EHBP1: variants seen among roughly 807,000 people sequenced by gnomAD.
The protein encoded by EHBP1 is EH domain binding protein 1.
In EHBP1, 55 loss-of-function variants were observed where a neutral mutation model predicts 144.0. The ratio of observed to expected loss-of-function variants is 0.38; its 90% confidence interval spans 0.31 to 0.48. The LOEUF (loss-of-function observed/expected upper bound fraction) is 0.48. Ranked by LOEUF, EHBP1 falls within the 20% of genes least tolerant of loss-of-function variation. The probability of loss-of-function intolerance (pLI) is 0.98; values close to 1 mark genes in which losing one functional copy is unlikely to be tolerated. For synonymous variants in EHBP1, 469 were observed against 472.7 expected (o/e 0.99, Z 0.10); for missense variants, 1,200 against 1,364.2 (o/e 0.88, Z 1.90).
intron 5 of EHBP1, among the ~76,000 whole-genome samples, chr2:62,793,572 G>T (rs898966439): frequency 2.6e-5 from 4 of 152,088 alleles, no homozygotes; most frequent in African/African-American, 9.7e-5. Flanking sequence ...ATGACTAGGG[G>T]TGTGTGTGGT....
chr2:62,945,005 C>T, intron 12 of EHBP1, among the ~76,000 whole-genome samples: 1 of 152,172 alleles, frequency 6.6e-6, no homozygotes, highest in Non-Finnish European at 1.5e-5. Flanking sequence ...TTTCATAATT[C>T]CTCATCTGAA....
At chr2:62,839,170 T>C (rs968932327) in intron 7 of EHBP1, among the ~76,000 whole-genome samples, 5 of 151,496 alleles carry the variant, frequency 3.3e-5, no homozygotes, top group East Asian at 3.9e-4. Context: ...ATCCGTGGGA[T>C]GCAAGGCTGG....
intron 2 of EHBP1, among the ~76,000 whole-genome samples, chr2:62,736,296 G>C (rs1003617903): frequency 1.5e-5 from 2 of 131,370 alleles, no homozygotes; most frequent in Admixed American, 8.8e-5. Flanking sequence ...GTGCGTTCTT[G>C]GCTCACTGCA....
At chr2:62,996,337 A>G (rs1430696230) in intron 18 of EHBP1, among the ~76,000 whole-genome samples, 1 of 152,062 alleles carries the variant, frequency 6.6e-6, no homozygotes, top group Non-Finnish European at 1.5e-5. Context: ...ATGCTTAAAT[A>G]ACTCTGACTT....
chr2:62,939,493 T>G (rs1280901369), intron 10 of EHBP1, among the ~76,000 whole-genome samples: 1 of 152,150 alleles, frequency 6.6e-6, no homozygotes, highest in Non-Finnish European at 1.5e-5. Context: ...CAGGCCAGTC[T>G]CGAACTCCTG....
chr2:62,858,372 C>T, intron 7 of EHBP1: 1 of 1,421,528 alleles, frequency 7.0e-7, no homozygotes, highest in Non-Finnish European at 9.9e-7. Flanking sequence ...AATGACCTTA[C>T]CTTATATTTG....
At chr2:62,855,967 C>T (rs2049020674) in intron 7 of EHBP1, among the ~76,000 whole-genome samples, 1 of 152,274 alleles carries the variant, frequency 6.6e-6, no homozygotes, top group African/African-American at 2.4e-5. Context: ...AGAAGAGCTT[C>T]CCACTCCAGG....
At chr2:62,685,067 A>G (rs555458950) in intron 1 of EHBP1, among the ~76,000 whole-genome samples, 4 of 152,318 alleles carry the variant, frequency 2.6e-5, no homozygotes, top group African/African-American at 9.6e-5. Flanking sequence ...ACTGTTAGAT[A>G]GAAGGAATAA....
intron 19 of EHBP1, among the ~76,000 whole-genome samples, chr2:63,008,830 TATTAA>T (rs967822956): frequency 1.2e-4 from 18 of 151,652 alleles, no homozygotes; most frequent in Non-Finnish European, 1.9e-4. Flanking sequence ...ATTTACATTA[TATTAA>T]ATTCTGTGAT....
At position 62,706,952 on chromosome 2, in the gene EHBP1, G is replaced by C. The variant is rs1412939608; in HGVS notation, c.-240G>C. On this transcript the variant is annotated 5_prime_UTR_variant, in exon 2 of 23. Coordinates refer to ENST00000431489, the MANE Select transcript of EHBP1 (RefSeq NM_001142616.3). ...AGGTGGCATGGTGATGTCTCCATGA[G>C]GGAACCCCTTCCCACTCATCCTGTC... is the stretch of plus-strand genomic sequence containing the variant. 2.2e-6 allele frequency: 1 copy of C among 460,796 alleles called. No individual in the cohort carries two copies. Among genetic ancestry groups the C allele is most frequent in the Non-Finnish European group, 4.0e-6 (1 of 251,596 alleles). The allele number at this position is 460,796 out of a possible 1,614,324, so 28.5% of individuals were successfully genotyped here. A position where few individuals can be genotyped will look rare whatever the true frequency, so the allele number is the denominator to read the frequency against.
chr2:62,813,638 G>A (rs1210187419), intron 5 of EHBP1, among the ~76,000 whole-genome samples: 2 of 152,210 alleles, frequency 1.3e-5, no homozygotes, highest in South Asian at 2.1e-4. Context: ...AGCCATAGGG[G>A]CAGGGTTGCC....
intron 4 of EHBP1, 46 bp downstream of exon 4, chr2:62,764,407 G>A: frequency 1.5e-6 from 2 of 1,375,380 alleles, no homozygotes; most frequent in Non-Finnish European, 9.8e-7. Context: ...TATAACCAGG[G>A]TACCAAATGA....
intron 1 of EHBP1, among the ~76,000 whole-genome samples, chr2:62,685,466 T>C (rs1392538657): frequency 6.6e-6 from 1 of 152,138 alleles, no homozygotes; most frequent in Non-Finnish European, 1.5e-5. Context: ...TGTGCCTTCA[T>C]CTTCACATGG....
At chr2:62,764,047 C>T (rs1379639991) in intron 3 of EHBP1, among the ~76,000 whole-genome samples, 1 of 152,044 alleles carries the variant, frequency 6.6e-6, no homozygotes, top group African/African-American at 2.4e-5. Context: ...CTGTAGCTGT[C>T]ATATGATATA....
intron 3 of EHBP1, among the ~76,000 whole-genome samples, chr2:62,758,440 C>G (rs1208463774): frequency 1.3e-5 from 2 of 152,072 alleles, no homozygotes; most frequent in Non-Finnish European, 2.9e-5. Flanking sequence ...GAATAATTAC[C>G]CTGAGTAGTT....
chr2:62,842,058 A>C (rs1026085351), intron 7 of EHBP1, among the ~76,000 whole-genome samples: 1 of 152,006 alleles, frequency 6.6e-6, no homozygotes, highest in African/African-American at 2.4e-5. Flanking sequence ...AAGAAAAGGG[A>C]CAAGGGACCA....
intron 1 of EHBP1, among the ~76,000 whole-genome samples, chr2:62,676,488 G>T (rs1056430688): frequency 6.6e-6 from 1 of 152,182 alleles, no homozygotes; most frequent in Non-Finnish European, 1.5e-5. Context: ...CACCTAATTT[G>T]ATTCACTCTG....
chr2:62,735,808 TG>T (rs1399155295), intron 2 of EHBP1, among the ~76,000 whole-genome samples: 2 of 152,178 alleles, frequency 1.3e-5, no homozygotes, highest in African/African-American at 4.8e-5. Flanking sequence ...TCTAGGTTGG[TG>T]GGTTTTTTTT....
chr2:62,993,460 T>C (rs1043377988), intron 16 of EHBP1, 70 bp from the exon 17 acceptor site: 5 of 1,311,050 alleles, frequency 3.8e-6, no homozygotes, highest in Non-Finnish European at 5.0e-6. Context: ...CAGTAAAAAT[T>C]GCCTTACTAA....
Sources: gnomAD v4.1 joint callset for allele counts (sites outside exome capture counted in the v4.1 genomes callset) on GRCh38, gnomAD v4.1.1 for gene constraint, MANE v1.5 for transcripts, NCBI Gene and HGNC (gene_info 2026-07-23, HGNC 2026-07-21) for gene names.